Variants in LYPD6B observed in about 807,000 individuals in gnomAD.
The protein encoded by LYPD6B is ly6/PLAUR domain-containing protein 6B.
LYPD6B carries 17 observed loss-of-function variants against 22.8 expected under a neutral mutation model. The ratio of observed to expected loss-of-function variants is 0.75; its 90% CI spans 0.51 to 1.12. The LOEUF is 1.12. Ranked by LOEUF, LYPD6B falls within the 50% of genes most tolerant of loss-of-function variation. LYPD6B has a pLI of 0.00. For synonymous variants in LYPD6B, 106 were observed against 91.6 expected, an observed-to-expected ratio of 1.16 and a Z score of -0.90; for missense variants, 221 against 258.3, an observed-to-expected ratio of 0.86 and a Z score of 0.99.
intron 1 of LYPD6B, chr2:149,077,601 C>T (rs1011616348): frequency 3.9e-5 from 6 of 152,116 alleles, no homozygotes; most frequent in African/African-American, 1.4e-4. Flanking sequence ...TTGAAGGTTT[C>T]CATCCTTACT....
At chr2:149,111,884 A>C (rs2105539494) in intron 1 of LYPD6B, among the ~76,000 whole-genome samples, 1 of 152,288 alleles carries the variant, frequency 6.6e-6, no homozygotes, top group South Asian at 2.1e-4. Flanking sequence ...GAGATCCAAG[A>C]CAGTGATATC....
chr2:149,202,983 A>G (rs988588272), intron 3 of LYPD6B, among the ~76,000 whole-genome samples: 3 of 152,240 alleles, frequency 2.0e-5, no homozygotes, highest in Non-Finnish European at 4.4e-5. Flanking sequence ...CTTGCACCAA[A>G]TAGCAGTTTT....
At chr2:149,141,331 G>T (rs1335640338) in intron 2 of LYPD6B, among the ~76,000 whole-genome samples, 11 of 152,170 alleles carry the variant, frequency 7.2e-5, no homozygotes, top group Admixed American at 7.2e-4. Flanking sequence ...GTGGAGTACA[G>T]GGGGGAGAGA....
intron 4 of LYPD6B, among the ~76,000 whole-genome samples, chr2:149,207,327 C>G (rs1207436897): frequency 1.3e-5 from 2 of 151,994 alleles, no homozygotes; most frequent in Non-Finnish European, 2.9e-5. Flanking sequence ...TGGTTTTCAC[C>G]CCATCTTCTA....
At chr2:149,213,515 C>A (rs1221599826) in intron 6 of LYPD6B, among the ~76,000 whole-genome samples, 1 of 152,182 alleles carries the variant, frequency 6.6e-6, no homozygotes, top group Non-Finnish European at 1.5e-5. Flanking sequence ...ACTGTAGATA[C>A]CTTTTAGATC....
intron 1 of LYPD6B, among the ~76,000 whole-genome samples, chr2:149,120,323 G>A (rs181131234): frequency 0.055 from 6,907 of 125,852 alleles, 256 homozygotes; most frequent in Middle Eastern, 0.1. Context: ...GTATATATAT[G>A]TGTATATATA....
chr2:149,041,987 T>C (rs186609447), intron 1 of LYPD6B, among the ~76,000 whole-genome samples: 1 of 152,294 alleles, frequency 6.6e-6, no homozygotes, highest in East Asian at 1.9e-4. Flanking sequence ...CCTGTGTAGT[T>C]TGAAAAGCCT....
intron 2 of LYPD6B, among the ~76,000 whole-genome samples, chr2:149,145,442 G>A (rs1462710354): frequency 6.6e-6 from 1 of 152,164 alleles, no homozygotes; most frequent in African/African-American, 2.4e-5. Context: ...GCGAGAGTGA[G>A]GGAAAACAGA....
At chr2:149,193,635 G>A (rs1027870355) in intron 3 of LYPD6B, among the ~76,000 whole-genome samples, 2 of 152,100 alleles carry the variant, frequency 1.3e-5, no homozygotes, top group African/African-American at 2.4e-5. Context: ...CCAGTGAGAA[G>A]GTCTGGGACT....
At chr2:149,061,712 G>T (rs768100142) in intron 1 of LYPD6B, among the ~76,000 whole-genome samples, 1 of 152,146 alleles carries the variant, frequency 6.6e-6, no homozygotes, top group Non-Finnish European at 1.5e-5. Flanking sequence ...GATTCCTTAT[G>T]CTGTATGACA....
At chr2:149,104,029 C>T (rs539885576) in intron 1 of LYPD6B, among the ~76,000 whole-genome samples, 65 of 152,106 alleles carry the variant, frequency 4.3e-4, no homozygotes, top group African/African-American at 1.5e-3. Flanking sequence ...CTGTCCACTT[C>T]GGCCTCCCAA....
At chr2:149,162,232 A>T (rs1026425875) in intron 3 of LYPD6B, among the ~76,000 whole-genome samples, 1 of 152,136 alleles carries the variant, frequency 6.6e-6, no homozygotes, top group Non-Finnish European at 1.5e-5. Context: ...TACAGGTAAC[A>T]TTTGTTTGTT....
chr2:149,130,980 TA>T, intron 2 of LYPD6B, 27 bp downstream of exon 2: 1 of 1,526,920 alleles, frequency 6.5e-7, no homozygotes. Flanking sequence ...CAAGTGGATG[TA>T]GAGAAGATAT....
chr2:149,187,201 T>G (rs1475070880), intron 3 of LYPD6B, among the ~76,000 whole-genome samples: 2 of 152,222 alleles, frequency 1.3e-5, no homozygotes, highest in African/African-American at 2.4e-5. Flanking sequence ...GAGGTATGCC[T>G]GTAGGTCCTT....
intron 1 of LYPD6B, among the ~76,000 whole-genome samples, chr2:149,056,379 T>C (rs1683792969): frequency 6.6e-6 from 1 of 152,100 alleles, no homozygotes; most frequent in Admixed American, 6.5e-5. Context: ...GCAAGTGGTT[T>C]CCATTAAAGA....
intron 1 of LYPD6B, among the ~76,000 whole-genome samples, chr2:149,082,896 C>T (rs1300642842): frequency 6.6e-6 from 1 of 152,182 alleles, no homozygotes; most frequent in Non-Finnish European, 1.5e-5. Context: ...TCCCTTTCTA[C>T]CCCATTGCCT....
chr2:149,153,496 G>T (rs1689500898), intron 2 of LYPD6B, among the ~76,000 whole-genome samples: 1 of 152,178 alleles, frequency 6.6e-6, no homozygotes, highest in Non-Finnish European at 1.5e-5. Context: ...AGAAGTCTTG[G>T]CTGGGCGCGG....
At chr2:149,056,642 G>A (rs976321628) in intron 1 of LYPD6B, among the ~76,000 whole-genome samples, 1 of 151,988 alleles carries the variant, frequency 6.6e-6, no homozygotes, top group Non-Finnish European at 1.5e-5. Flanking sequence ...TTACACACAT[G>A]CATGCACATA....
rs1424358619 is a variant in LYPD6B, at chr2:149,214,284, C to T, written c.460-262C>T. Among the ~76,000 whole-genome samples the T allele has an allele frequency of 5.9e-5, 9 of 152,184 alleles. No homozygotes were observed. In the East Asian group the frequency reaches 1.6e-3, roughly 26 times the overall value. ...AAGCACTCTTATGCAGTTTCTCTTC[C>T]TCTTTGCCTTGCTAATGCTTGGATT... On this transcript the variant is annotated intron_variant, in intron 6 of 6. Transcript: ENST00000409642.
Sources: gnomAD v4.1 joint callset for allele counts (sites outside exome capture counted in the v4.1 genomes callset) on GRCh38, gnomAD v4.1.1 for gene constraint, MANE v1.5 for transcripts, NCBI Gene and HGNC (gene_info 2026-07-23, HGNC 2026-07-21) for gene names.